The following SGTB variants were observed in gnomAD, a reference collection of about 807,000 sequenced individuals.
The protein encoded by SGTB is small glutamine-rich tetratricopeptide repeat-containing protein beta.
Under a neutral mutation model 43.9 loss-of-function variants are expected in SGTB, and 19 were observed. The ratio of observed to expected loss-of-function variants is 0.43; its 90% CI spans 0.30 to 0.63. SGTB has a LOEUF of 0.63. Ranked by LOEUF, SGTB falls within the 30% of genes least tolerant of loss-of-function variation. The probability of loss-of-function intolerance (pLI) is 0.12; values close to 1 mark genes in which losing one functional copy is unlikely to be tolerated. For missense variants in SGTB, 304 were observed against 358.9 expected, an observed-to-expected ratio of 0.85 and a Z score of 1.24; for synonymous variants, 116 against 117.3, an observed-to-expected ratio of 0.99 and a Z score of 0.07.
At chr5:65,721,891 A>C (rs1013622628) in intron 1 of SGTB, 26 bp downstream of exon 1, 2 of 151,694 alleles carry the variant, frequency 1.3e-5, no homozygotes, top group Non-Finnish European at 1.5e-5. Flanking sequence ...CGGGAGGCGC[A>C]CCCTTGCCAG....
chr5:65,688,419 C>G (rs898115942), intron 5 of SGTB, among the ~76,000 whole-genome samples: 5 of 152,194 alleles, frequency 3.3e-5, no homozygotes, highest in African/African-American at 1.2e-4. Context: ...TGCCAAGAGT[C>G]TCACCTTCAA....
In SGTB at chr5:65,669,226, C is replaced by T. The variant is rs571537622; in HGVS notation, c.*1020G>A. On this transcript the variant is annotated 3_prime_UTR_variant, in exon 11 of 11. Transcript: ENST00000381007. ...TATCACAGAAGATTACATGAACAAG[C>T]AATGTTAGTGATAGATGCTTTTTGT... The T allele has an allele frequency of 6.6e-6, 1 of 152,160 alleles. No individual in the cohort carries two copies. The highest frequency in any genetic ancestry group is 2.1e-4 in the South Asian group (1 of 4,822). 9.4% of individuals were successfully genotyped at this position (152,160 alleles called of 1,614,324 possible).
chr5:65,722,664 A>T, upstream of SGTB: 1 of 510,910 alleles, frequency 2.0e-6, no homozygotes, highest in Non-Finnish European at 3.5e-6. Context: ...AGCCGCAGTC[A>T]GCGAGGCTGG....
intron 5 of SGTB, among the ~76,000 whole-genome samples, chr5:65,688,747 A>G (rs981167113): frequency 6.6e-6 from 1 of 152,178 alleles, no homozygotes; most frequent in Non-Finnish European, 1.5e-5. Context: ...GAACAATAAT[A>G]CCATGTGGAT....
At chr5:65,675,099 G>A (rs1394399036) in intron 8 of SGTB, among the ~76,000 whole-genome samples, 1 of 152,132 alleles carries the variant, frequency 6.6e-6, no homozygotes, top group Non-Finnish European at 1.5e-5. Flanking sequence ...GTCACCCCAG[G>A]AGCTTGATAT....
intron 6 of SGTB, among the ~76,000 whole-genome samples, chr5:65,683,945 CAAA>C (rs1387434772): frequency 2.5e-5 from 2 of 80,548 alleles, no homozygotes; most frequent in African/African-American, 4.7e-5. Flanking sequence ...GACTCTGTCT[CAAA>C]AAAAAAAAAA....
chr5:65,721,676 A>T (rs1158860599), intron 1 of SGTB, among the ~76,000 whole-genome samples: 2 of 152,212 alleles, frequency 1.3e-5, no homozygotes, highest in African/African-American at 4.8e-5. Flanking sequence ...CCACGGGGTC[A>T]TAAGCACTAA....
chr5:65,704,995 A>G (rs967083293), intron 4 of SGTB, among the ~76,000 whole-genome samples: 3 of 152,230 alleles, frequency 2.0e-5, no homozygotes, highest in African/African-American at 7.2e-5. Flanking sequence ...GCTAGCCTGC[A>G]AAGTACTGAT....
In SGTB at chr5:65,670,289, A is replaced by G. The variant is rs1226691238; in HGVS notation, c.872T>C (p.Ile291Thr). Reference protein sequence around the residue: ...PELIEQLRNHIRSRSFSSSAE... With the variant: ...PELIEQLRNHTRSRSFSSSAE... ...GCTGCTGCTGAATGATCTGCTCCGG[A>G]TGTGATTTCTCAGTTGCTCTATAAG... The change falls in exon 11 of 11, where the codon ATC becomes ACC. Residue 291 changes from isoleucine to threonine, a missense_variant. Ile to Thr is a moderately conservative substitution (Grantham distance 89). Transcript: ENST00000381007. The G allele has an allele frequency of 6.2e-7, 1 of 1,614,184 alleles. No individual in the cohort carries two copies.
intron 5 of SGTB, among the ~76,000 whole-genome samples, chr5:65,694,250 T>C (rs1757673564): frequency 6.6e-6 from 1 of 151,682 alleles, no homozygotes; most frequent in South Asian, 2.1e-4. Context: ...GCCAACATAG[T>C]GAAACCCCGT....
At position 65,666,359 on chromosome 5, in the gene SGTB, A is replaced by AAGTT. The variant is rs1757038028; in HGVS notation, c.*3883_*3886dup. On this transcript the variant is annotated 3_prime_UTR_variant, in exon 11 of 11. Coordinates refer to ENST00000381007, the MANE Select transcript of SGTB (RefSeq NM_019072.3). ...AGGATCTGTTTAACCTATATTATAA[A>AAGTT]AGTTAGATACACAATTTGGTACATT... 1 of 152,206 alleles carries AAGTT rather than the reference A, an allele frequency of 6.6e-6. No homozygotes were observed. The highest frequency in any genetic ancestry group is 2.4e-5 in the African/African-American group (1 of 41,474). The allele number at this position is 152,206 out of a possible 1,614,324, so 9.4% of individuals were successfully genotyped here.
intron 6 of SGTB, among the ~76,000 whole-genome samples, chr5:65,681,475 G>A (rs1348310187): frequency 6.6e-6 from 1 of 151,778 alleles, no homozygotes; most frequent in Non-Finnish European, 1.5e-5. Flanking sequence ...TAGTATTAGG[G>A]GTTTCTGTTT....
intron 5 of SGTB, among the ~76,000 whole-genome samples, chr5:65,699,436 T>C (rs1757771656): frequency 6.6e-6 from 1 of 152,198 alleles, no homozygotes; most frequent in Admixed American, 6.5e-5. Flanking sequence ...TTGGGTACAA[T>C]GTACACTACT....
chr5:65,670,404 ATTTACCCACGC>A, intron 10 of SGTB, 47 bp from the exon 11 acceptor site: 1 of 1,489,658 alleles, frequency 6.7e-7, no homozygotes, highest in Admixed American at 1.8e-5. Flanking sequence ...TGCCAGTCAC[ATTTACCCACGC>A]AAAAAGAAAT....
At chr5:65,716,958 A>G (rs2150725386) in intron 2 of SGTB, among the ~76,000 whole-genome samples, 1 of 152,162 alleles carries the variant, frequency 6.6e-6, no homozygotes. Flanking sequence ...GAACCAGAAA[A>G]GGGGACAGAA....
At chr5:65,719,407 T>C (rs1213181336) in intron 2 of SGTB, among the ~76,000 whole-genome samples, 1 of 151,894 alleles carries the variant, frequency 6.6e-6, no homozygotes, top group Non-Finnish European at 1.5e-5. Context: ...CTGGGCAACA[T>C]GGCGAAACTC....
chr5:65,697,546 T>C (rs933640041), intron 5 of SGTB, among the ~76,000 whole-genome samples: 1 of 152,202 alleles, frequency 6.6e-6, no homozygotes, highest in East Asian at 1.9e-4. Flanking sequence ...GTTAAAACAC[T>C]AAAACATTAT....
In SGTB at chr5:65,667,857, G is replaced by A. The variant is rs1045719302; in HGVS notation, c.*2389C>T. The A allele has an allele frequency of 1.3e-5, 2 of 151,990 alleles. No homozygotes were observed. Among genetic ancestry groups the A allele is most frequent in the Non-Finnish European group, 2.9e-5 (2 of 68,014 alleles). 9.4% of individuals were successfully genotyped at this position (151,990 alleles called of 1,614,324 possible). A position where few individuals can be genotyped will look rare whatever the true frequency, so the allele number is the denominator to read the frequency against. On this transcript the variant is annotated 3_prime_UTR_variant, in exon 11 of 11. Transcript: ENST00000381007. Reference sequence around the variant, plus strand: ...TTATCCAGGTGATTCTTACAATGAAGTTATAGAACTACTGTTCTAATGTCA... The same window carrying A: ...TTATCCAGGTGATTCTTACAATGAAATTATAGAACTACTGTTCTAATGTCA...
Position 65,680,355 on chromosome 5 carries a change from CAG to C in SGTB, c.681+137_681+138del. The C allele has an allele frequency of 3.7e-6, 3 of 812,738 alleles. No individual in the cohort carries two copies. In the East Asian group the frequency reaches 8.1e-5, roughly 22 times the overall value. The allele number at this position is 812,738 out of a possible 1,614,324, so 50.3% of individuals were successfully genotyped here. On this transcript the variant is annotated intron_variant, in intron 8 of 10. Transcript: ENST00000381007. ...GAAATAAAAGTTGGAAATAAAAAAACAGAACCCTGCTATAGCCTTATATCAAT... is the reference window on the plus strand; with the variant it reads ...GAAATAAAAGTTGGAAATAAAAAAACAACCCTGCTATAGCCTTATATCAAT...
Sources: gnomAD v4.1 joint callset for allele counts (sites outside exome capture counted in the v4.1 genomes callset) on GRCh38, gnomAD v4.1.1 for gene constraint, MANE v1.5 for transcripts, NCBI Gene and HGNC (gene_info 2026-07-23, HGNC 2026-07-21) for gene names.